TENM1: variants seen among roughly 807,000 people sequenced by gnomAD.
TENM1 encodes teneurin-1.
In TENM1, 35 loss-of-function variants were observed where a neutral mutation model predicts 174.8. The observed-to-expected ratio is 0.20, with a 90% CI of 0.15 to 0.27. The LOEUF is 0.27. TENM1 is among the 10% of genes least tolerant of loss of function. The pLI, the probability that TENM1 is intolerant of heterozygous loss-of-function variation, is 1.00. For missense variants in TENM1, 1,633 were observed against 2,130.1 expected, an observed-to-expected ratio of 0.77 and a Z score of 4.59; for synonymous variants, 781 against 798.7, an observed-to-expected ratio of 0.98 and a Z score of 0.37.
intron 22 of TENM1, among the ~76,000 whole-genome samples, chrX:124,480,299 A>G (rs1327178637): frequency 1.8e-5 from 2 of 112,302 alleles, no homozygotes; most frequent in Admixed American, 1.9e-4. Context: ...ATTTAATGGT[A>G]TGGGGTTAGC....
At position 124,569,930 on chromosome X, in the gene TENM1, A is replaced by G. The variant is rs1434835820; in HGVS notation, c.2078-4370T>C. Reference sequence around the variant, plus strand: ...TACAGAAAGAATCAACAAAGTCAATACTTGATGATTGGCTCAGACCAATAA... The same window carrying G: ...TACAGAAAGAATCAACAAAGTCAATGCTTGATGATTGGCTCAGACCAATAA... On this transcript the variant is annotated intron_variant, in intron 11 of 31. Transcript: ENST00000422452. Among the ~76,000 whole-genome samples, 4 of 111,796 alleles carry G rather than the reference A, an allele frequency of 3.6e-5. No individual in the cohort carries two copies. In the Admixed American group the frequency reaches 3.8e-4, roughly 11 times the overall value.
intron 3 of TENM1, among the ~76,000 whole-genome samples, chrX:124,752,689 C>G (rs1361389646): frequency 9.0e-6 from 1 of 111,387 alleles, no homozygotes; most frequent in Non-Finnish European, 1.9e-5. Context: ...AGGAAGGGAT[C>G]CAGTTTCAGC....
At chrX:124,762,046 A>C (rs1473507774) in intron 3 of TENM1, among the ~76,000 whole-genome samples, 1 of 112,359 alleles carries the variant, frequency 8.9e-6, no homozygotes, top group Non-Finnish European at 1.9e-5. Flanking sequence ...CATAAAGCCC[A>C]ATATCAATCC....
At chrX:124,540,916 A>G (rs765989003) in intron 15 of TENM1, among the ~76,000 whole-genome samples, 2 of 111,969 alleles carry the variant, frequency 1.8e-5, no homozygotes, top group South Asian at 7.6e-4. Flanking sequence ...TTCTCTTAGC[A>G]CTAAATTTTG....
At chrX:125,016,092 A>C in the TENM1 span, among the ~76,000 whole-genome samples, 1 of 111,367 alleles carries the variant, frequency 9.0e-6, no homozygotes, top group African/African-American at 3.3e-5. Flanking sequence ...GTATATAAAA[A>C]TCTCTTGAAA....
chrX:124,744,100 T>C (rs972660674), intron 3 of TENM1, among the ~76,000 whole-genome samples: 1 of 111,575 alleles, frequency 9.0e-6, no homozygotes, highest in African/African-American at 3.3e-5. Flanking sequence ...TAATACTCAA[T>C]ATTCCTGCCA....
At chrX:124,740,488 G>A (rs1448789474) in intron 3 of TENM1, among the ~76,000 whole-genome samples, 3 of 111,240 alleles carry the variant, frequency 2.7e-5, no homozygotes, top group Admixed American at 9.5e-5. Context: ...GATTATCTAC[G>A]TATAATGCAT....
At chrX:125,146,289 G>A in the TENM1 span, among the ~76,000 whole-genome samples, 82 of 111,068 alleles carry the variant, frequency 7.4e-4, no homozygotes, top group Non-Finnish European at 9.1e-4. Context: ...GAGAATCCAG[G>A]GTGGAAAATA....
chrX:125,102,381 G>A, the TENM1 span, among the ~76,000 whole-genome samples: 3 of 85,300 alleles, frequency 3.5e-5, no homozygotes, highest in Admixed American at 1.4e-4. Flanking sequence ...TTGGCTGCTT[G>A]CCTGCCCAAT....
intron 21 of TENM1, 52 bp downstream of exon 24, chrX:124,487,157 A>T: frequency 9.1e-7 from 1 of 1,102,128 alleles, no homozygotes; most frequent in Non-Finnish European, 1.2e-6. Flanking sequence ...ATCAGGAGGT[A>T]GTCTCATAGG....
chrX:125,059,579 T>C, the TENM1 span, among the ~76,000 whole-genome samples: 2 of 111,449 alleles, frequency 1.8e-5, no homozygotes, highest in African/African-American at 6.5e-5. Context: ...TACTTTGTAC[T>C]CTGACCGACA....
intron 5 of TENM1, among the ~76,000 whole-genome samples, chrX:124,674,808 A>G (rs1251398069): frequency 1.8e-5 from 2 of 111,421 alleles, no homozygotes; most frequent in Non-Finnish European, 3.8e-5. Context: ...TTTGAATATG[A>G]TGGATAGTAG....
At chrX:124,772,862 T>C (rs1260266490) in intron 3 of TENM1, among the ~76,000 whole-genome samples, 1 of 111,810 alleles carries the variant, frequency 8.9e-6, no homozygotes, top group African/African-American at 3.3e-5. Flanking sequence ...GGTAATAATC[T>C]AGCAGCCAAC....
intron 3 of TENM1, among the ~76,000 whole-genome samples, chrX:124,741,430 G>C (rs973543579): frequency 1.3e-4 from 15 of 111,242 alleles, no homozygotes; most frequent in Non-Finnish European, 2.1e-4. Context: ...GACAAAGCAT[G>C]CATTTCTGCA....
the TENM1 span, among the ~76,000 whole-genome samples, chrX:125,149,706 C>T: frequency 4.5e-5 from 5 of 111,095 alleles, no homozygotes; most frequent in South Asian, 3.8e-4. Flanking sequence ...ATGGATATTG[C>T]GATCATTGAA....
the TENM1 span, among the ~76,000 whole-genome samples, chrX:125,046,417 G>A: frequency 1.8e-5 from 2 of 112,076 alleles, no homozygotes; most frequent in Non-Finnish European, 3.8e-5. Context: ...TACCTACTAT[G>A]TCTTCTTTGT....
intron 23 of TENM1, among the ~76,000 whole-genome samples, chrX:124,428,397 C>G (rs944254313): frequency 8.9e-6 from 1 of 112,025 alleles, no homozygotes; most frequent in Non-Finnish European, 1.9e-5. Context: ...AAAGCAATAT[C>G]TAAATATAAT....
intron 11 of TENM1, among the ~76,000 whole-genome samples, chrX:124,584,345 A>C (rs1301561432): frequency 9.0e-6 from 1 of 110,898 alleles, no homozygotes; most frequent in Non-Finnish European, 1.9e-5. Flanking sequence ...TCTCGGCAGA[A>C]ACTCTACAAG....
chrX:124,419,062 A>T (rs1319005557), intron 25 of TENM1, among the ~76,000 whole-genome samples: 1 of 112,095 alleles, frequency 8.9e-6, no homozygotes, highest in African/African-American at 3.2e-5. Context: ...AGTACCTGGC[A>T]CTTAGTAAAT....
Sources: allele counts gnomAD v4.1 joint callset (sites outside exome capture counted in the v4.1 genomes callset), GRCh38; gene constraint gnomAD v4.1.1; transcripts MANE v1.5; gene names NCBI Gene and HGNC (gene_info 2026-07-23, HGNC 2026-07-21).